Variants in FXYD6 observed in about 807,000 individuals in gnomAD.
FXYD6 encodes FXYD domain-containing ion transport regulator 6.
FXYD6 carries 7 observed loss-of-function variants against 16.7 expected under a neutral mutation model. The ratio of observed to expected loss-of-function variants is 0.42; its 90% CI spans 0.24 to 0.79. FXYD6 has a LOEUF of 0.79. Ranked by LOEUF, FXYD6 falls within the 30% of genes least tolerant of loss-of-function variation. The pLI is 0.28. For synonymous variants in FXYD6, 49 were observed against 43.0 expected (o/e 1.14, Z -0.54); for missense variants, 111 against 116.2 (o/e 0.95, Z 0.21).
intron 1 of FXYD6, chr11:117,844,032 G>C (rs908358224): frequency 2.0e-5 from 3 of 152,262 alleles, no homozygotes; most frequent in Non-Finnish European, 2.9e-5. Context: ...TTTCCATGTG[G>C]GGTGAAACTG....
In FXYD6 at chr11:117,872,612, G is replaced by A. The variant is rs2057163468; in HGVS notation, c.-6+3980C>T. ...ATTCTAACTACACCCCTTCATCCTTGGCCCTCTCTGCCCACATCAGATATT... is the reference window on the plus strand; with the variant it reads ...ATTCTAACTACACCCCTTCATCCTTAGCCCTCTCTGCCCACATCAGATATT... On this transcript the variant is annotated intron_variant, in intron 1 of 7. Coordinates refer to ENST00000526014, the MANE Select transcript of FXYD6 (RefSeq NM_022003.4). This position sits in a 1 kb window ranked among gnomAD's most constrained non-coding sequence, Gnocchi z 4.9. 6.6e-6 allele frequency among the ~76,000 whole-genome samples: 1 copy of A among 152,182 alleles called. No homozygotes were observed. The highest frequency in any genetic ancestry group is 6.5e-5 in the Admixed American group (1 of 15,290).
rs188455458 is a variant in FXYD6 at position 117,850,768 on chromosome 11, T to C, written c.-5-7987A>G. The stretch of plus-strand genomic sequence containing the variant: ...TTGGCCTCCCAAAGTGCTGGGATTA[T>C]AGGCATGAGCCACTGCCCCTAGCTT... On this transcript the variant is annotated intron_variant, in intron 1 of 7. Transcript: ENST00000526014. Among the ~76,000 whole-genome samples the C allele has an allele frequency of 6.1e-3, 928 of 152,066 alleles. 9 individuals are homozygous for C. The highest frequency in any genetic ancestry group is 0.022 in the African/African-American group (898 of 41,530).
upstream of FXYD6, chr11:117,877,141 A>G (rs1033333633): frequency 6.6e-6 from 1 of 152,272 alleles, no homozygotes; most frequent in African/African-American, 2.4e-5. Flanking sequence ...ATAACCCAGC[A>G]CCAGACACAG....
chr11:117,856,028 A>C (rs2056718586), intron 1 of FXYD6, among the ~76,000 whole-genome samples: 1 of 151,588 alleles, frequency 6.6e-6, no homozygotes, highest in African/African-American at 2.4e-5. Flanking sequence ...GTTTATCTCC[A>C]TATTGGCAAG....
chr11:117,838,542 G>A (rs926786434), intron 7 of FXYD6: 12 of 475,750 alleles, frequency 2.5e-5, no homozygotes, highest in Non-Finnish European at 4.1e-5. Context: ...TGAGCCTTAG[G>A]ATAAAAGGTT....
chr11:117,872,530 C>T lies in FXYD6; in HGVS notation c.-6+4062G>A, dbSNP rs2057161213. Among the ~76,000 whole-genome samples the T allele has an allele frequency of 6.6e-6, 1 of 152,210 alleles. No individual in the cohort carries two copies. Among genetic ancestry groups the T allele is most frequent in the African/African-American group, 2.4e-5 (1 of 41,452 alleles). The stretch of plus-strand genomic sequence containing the variant: ...GAACGAGGGAGTTTGAAACCTTAGC[C>T]TCTGGTCTCTCAGTGTGGGCCTGGC... On this transcript the variant is annotated intron_variant, in intron 1 of 7. Coordinates refer to ENST00000526014, the MANE Select transcript of FXYD6 (RefSeq NM_022003.4). This position sits in a 1 kb window ranked among gnomAD's most constrained non-coding sequence, Gnocchi z 4.9.
At chr11:117,858,968 G>A (rs1174755855) in intron 1 of FXYD6, among the ~76,000 whole-genome samples, 4 of 151,940 alleles carry the variant, frequency 2.6e-5, no homozygotes, top group East Asian at 3.9e-4. Flanking sequence ...TAGAGACGGG[G>A]TTTCGCCATA....
intron 1 of FXYD6, 50 bp downstream of exon 1, chr11:117,876,542 C>G (rs1309131038): frequency 6.6e-6 from 1 of 152,598 alleles, no homozygotes; most frequent in African/African-American, 2.4e-5. Context: ...CCGAGCCTCG[C>G]CCCTCCTCGG....
rs994561032 is a variant in FXYD6, at chr11:117,872,719, C to T, written c.-6+3873G>A. ...CCTTTCCCAGGCTGTGTGCTCCCTC[C>T]CACATCTTTGTAACAAACATGTTCC... On this transcript the variant is annotated intron_variant, in intron 1 of 7. Transcript: ENST00000526014. This position sits in a 1 kb window ranked among gnomAD's most constrained non-coding sequence, Gnocchi z 4.9. Among the ~76,000 whole-genome samples, 1 of 152,178 alleles carries T rather than the reference C, an allele frequency of 6.6e-6. No homozygotes were observed. The highest frequency in any genetic ancestry group is 1.5e-5 in the Non-Finnish European group (1 of 68,028).
At chr11:117,859,452 G>T (rs2056853195) in intron 1 of FXYD6, among the ~76,000 whole-genome samples, 1 of 152,240 alleles carries the variant, frequency 6.6e-6, no homozygotes, top group Admixed American at 6.5e-5. Context: ...AAAATTCTGA[G>T]ATGAAAACCC....
At chr11:117,865,084 T>C (rs189283859) in intron 1 of FXYD6, among the ~76,000 whole-genome samples, 2 of 152,254 alleles carry the variant, frequency 1.3e-5, no homozygotes, top group East Asian at 1.9e-4. Context: ...AAAGAAGATA[T>C]ACAAATGGCC....
chr11:117,862,375 C>T (rs1192448327), intron 1 of FXYD6, among the ~76,000 whole-genome samples: 1 of 152,194 alleles, frequency 6.6e-6, no homozygotes, highest in African/African-American at 2.4e-5. Context: ...GCCCTGCGTG[C>T]CCCACTCACA....
In FXYD6 at chr11:117,838,259, C is replaced by T; in HGVS notation, c.*40G>A. The T allele has an allele frequency of 1.4e-6, 1 of 702,584 alleles. No individual in the cohort carries two copies. The allele number at this position is 702,584 out of a possible 1,614,324, so 43.5% of individuals were successfully genotyped here. On this transcript the variant is annotated 3_prime_UTR_variant, in exon 8 of 8. Coordinates refer to ENST00000526014, the MANE Select transcript of FXYD6 (RefSeq NM_022003.4). ...CATTTGCATCCAAAGGTTCAAGCAG[C>T]CGCCTCAGGTTCCAGAGGCTGAGGA... is the stretch of plus-strand genomic sequence containing the variant.
intron 1 of FXYD6, among the ~76,000 whole-genome samples, chr11:117,846,943 A>G (rs1057151006): frequency 6.6e-6 from 1 of 152,216 alleles, no homozygotes; most frequent in African/African-American, 2.4e-5. Flanking sequence ...TGGGAACTGC[A>G]ATGGACCTAT....
intron 1 of FXYD6, among the ~76,000 whole-genome samples, chr11:117,858,000 G>C (rs147938774): frequency 1.3e-5 from 2 of 152,264 alleles, no homozygotes; most frequent in East Asian, 3.9e-4. Flanking sequence ...TTTGGAATGT[G>C]TTTTATTTTT....
At chr11:117,838,440 C>T (rs2056250893) in intron 7 of FXYD6, among the ~76,000 whole-genome samples, 163 bp from the exon 8 acceptor site, 1 of 152,122 alleles carries the variant, frequency 6.6e-6, no homozygotes, top group East Asian at 1.9e-4. Context: ...GGGTGAACCT[C>T]AGAAGAAGCC....
At chr11:117,860,280 C>G (rs1008547714) in intron 1 of FXYD6, among the ~76,000 whole-genome samples, 4 of 152,190 alleles carry the variant, frequency 2.6e-5, no homozygotes, top group Non-Finnish European at 5.9e-5. Flanking sequence ...GCCACCTGCA[C>G]TGTGGCTCTT....
At position 117,870,330 on chromosome 11, in the gene FXYD6, C is replaced by A. The variant is rs2057108257; in HGVS notation, c.-6+6262G>T. 6.6e-6 allele frequency among the ~76,000 whole-genome samples: 1 copy of A among 152,148 alleles called. No individual in the cohort carries two copies. Among genetic ancestry groups the A allele is most frequent in the Non-Finnish European group, 1.5e-5 (1 of 68,036 alleles). On this transcript the variant is annotated intron_variant, in intron 1 of 7. Coordinates refer to ENST00000526014, the MANE Select transcript of FXYD6 (RefSeq NM_022003.4). This position sits in a 1 kb window ranked among gnomAD's most constrained non-coding sequence, Gnocchi z 4.2. The stretch of plus-strand genomic sequence containing the variant: ...AGCCACAGGCTGGGGCCCCAGCAGG[C>A]TGCACGCCCCAGCAGGGCGTGATGG...
At chr11:117,848,818 C>T (rs2056537862) in intron 1 of FXYD6, among the ~76,000 whole-genome samples, 1 of 152,052 alleles carries the variant, frequency 6.6e-6, no homozygotes, top group African/African-American at 2.4e-5. Context: ...AAAGTTATGC[C>T]TGTTTTTTTC....
Sources: allele counts gnomAD v4.1 joint callset (sites outside exome capture counted in the v4.1 genomes callset), GRCh38; gene constraint gnomAD v4.1.1; non-coding constraint Gnocchi (gnomAD v3.1); transcripts MANE v1.5; gene names NCBI Gene and HGNC (gene_info 2026-07-23, HGNC 2026-07-21).